Variants in RIMS2 observed in about 807,000 individuals in gnomAD.
RIMS2 encodes the protein regulating synaptic membrane exocytosis protein 2.
A neutral mutation model predicts 174.4 loss-of-function variants in RIMS2; 59 were observed. The observed-to-expected ratio is 0.34, with a 90% CI of 0.27 to 0.42. The LOEUF is 0.42. Among genes scored for constraint, RIMS2 ranks in the 10% least tolerant of loss-of-function variants. RIMS2 has a pLI of 1.00. For synonymous variants in RIMS2, 606 were observed against 572.5 expected (o/e 1.06, Z -0.84); for missense variants, 1,620 against 1,666.3 (o/e 0.97, Z 0.48).
intron 19 of RIMS2, among the ~76,000 whole-genome samples, chr8:104,202,632 T>TACC (rs2099060715): frequency 6.6e-6 from 1 of 152,216 alleles, no homozygotes; most frequent in Non-Finnish European, 1.5e-5. Flanking sequence ...ACTTTCTTGC[T>TACC]ACCTCTTCAC....
intron 1 of RIMS2, among the ~76,000 whole-genome samples, chr8:103,535,008 C>T (rs549859999): frequency 1.4e-4 from 21 of 152,304 alleles, no homozygotes; most frequent in African/African-American, 4.3e-4. Flanking sequence ...AAATTTATTT[C>T]TCTTTAGCTT....
chr8:103,607,218 G>A lies in RIMS2; in HGVS notation c.177-89868G>A, dbSNP rs976019776. Among the ~76,000 whole-genome samples, 11 of 151,920 alleles carry A rather than the reference G, an allele frequency of 7.2e-5. No homozygotes were observed. The East Asian group carries it at 9.7e-4, about 13-fold the overall frequency. ...CCTCGTGGTGACAAAATCTCTCAGCGTTTGCTTGTCTGTGAAGTATTTTAT... is the reference window on the plus strand; with the variant it reads ...CCTCGTGGTGACAAAATCTCTCAGCATTTGCTTGTCTGTGAAGTATTTTAT... On this transcript the variant is annotated intron_variant, in intron 1 of 23. Coordinates refer to ENST00000504942, the Ensembl canonical transcript of RIMS2.
At chr8:104,166,185 G>A (rs1481151972) in intron 19 of RIMS2, among the ~76,000 whole-genome samples, 5 of 149,248 alleles carry the variant, frequency 3.4e-5, no homozygotes, top group South Asian at 2.1e-4. Flanking sequence ...TCCTGCCTCA[G>A]CCTCCCGAGT....
chr8:103,959,552 T>C (rs2089086944), intron 14 of RIMS2, among the ~76,000 whole-genome samples: 1 of 151,904 alleles, frequency 6.6e-6, no homozygotes, highest in Non-Finnish European at 1.5e-5. Flanking sequence ...TACAGGTGCA[T>C]GCCGCCATGC....
At chr8:103,922,533 G>T in intron 10 of RIMS2, 1 of 250,986 alleles carries the variant, frequency 4.0e-6, no homozygotes, top group Middle Eastern at 1.6e-3. Flanking sequence ...GAAAAATACA[G>T]GTTAATATTA....
chr8:103,977,732 A>G (rs2093571724), intron 16 of RIMS2, among the ~76,000 whole-genome samples: 1 of 152,350 alleles, frequency 6.6e-6, no homozygotes, highest in South Asian at 2.1e-4. Flanking sequence ...CCAGTTATAA[A>G]TTGGAGTTTC....
intron 3 of RIMS2, among the ~76,000 whole-genome samples, chr8:103,834,063 G>A (rs1163811092): frequency 6.6e-6 from 1 of 151,964 alleles, no homozygotes; most frequent in Non-Finnish European, 1.5e-5. Context: ...AGGTTGAAGT[G>A]CAGTCTGGTG....
rs2096777976 is a variant in RIMS2, at chr8:103,674,008, G to C, written c.177-23078G>C. Among the ~76,000 whole-genome samples the C allele has an allele frequency of 2.0e-5, 3 of 152,170 alleles. No homozygotes were observed. The South Asian group carries it at 6.2e-4, about 31-fold the overall frequency. The stretch of plus-strand genomic sequence containing the variant: ...GAAATTTCTTCCTTCAGATACCCTA[G>C]GTCATCACTCTGAAGTTCAGACTTC... On this transcript the variant is annotated intron_variant, in intron 1 of 23. Transcript: ENST00000504942.
intron 15 of RIMS2, among the ~76,000 whole-genome samples, chr8:103,962,439 C>G (rs1035960527): frequency 1.3e-5 from 2 of 152,110 alleles, no homozygotes; most frequent in African/African-American, 4.8e-5. Flanking sequence ...GAAAAACATT[C>G]TTTCCTATCT....
At chr8:103,718,011 CTA>C (rs34245264) in intron 2 of RIMS2, among the ~76,000 whole-genome samples, 4,721 of 152,242 alleles carry the variant, frequency 0.031, 218 homozygotes, top group African/African-American at 0.1. Flanking sequence ...ACAGCAAATT[CTA>C]TGAGTTTTCA....
chr8:103,579,986 AG>A (rs1379295633), intron 1 of RIMS2, among the ~76,000 whole-genome samples: 1 of 152,150 alleles, frequency 6.6e-6, no homozygotes, highest in Non-Finnish European at 1.5e-5. Context: ...GAGAACAGCA[AG>A]GGGGAAATCC....
chr8:103,996,582 A>G (rs899132084), intron 17 of RIMS2, among the ~76,000 whole-genome samples: 3 of 151,976 alleles, frequency 2.0e-5, no homozygotes, highest in African/African-American at 7.2e-5. Flanking sequence ...CTGCCTCTCT[A>G]CAGAGAAAGG....
At chr8:104,238,939 G>A (rs2099273052) in intron 19 of RIMS2, among the ~76,000 whole-genome samples, 1 of 152,158 alleles carries the variant, frequency 6.6e-6, no homozygotes, top group Non-Finnish European at 1.5e-5. Context: ...TTCATAATCT[G>A]CCAACTATTC....
chr8:103,654,320 A>C (rs150789630), intron 1 of RIMS2, among the ~76,000 whole-genome samples: 1 of 152,012 alleles, frequency 6.6e-6, no homozygotes, highest in Non-Finnish European at 1.5e-5. Flanking sequence ...TTTGATTGGC[A>C]TAAACACAAA....
intron 18 of RIMS2, 135 bp from the exon 21 acceptor site, chr8:104,014,371 G>T: frequency 3.8e-6 from 2 of 532,764 alleles, no homozygotes; most frequent in Admixed American, 3.1e-5. Context: ...ATTTTGTCCA[G>T]TTTTCCTAAC....
chr8:103,632,605 G>C (rs2449906), intron 1 of RIMS2, among the ~76,000 whole-genome samples: 53,700 of 151,360 alleles, frequency 0.35, 10,231 homozygotes, highest in East Asian at 0.77. Context: ...ATTTTTGGTA[G>C]AGACAGGTTT....
intron 21 of RIMS2, 78 bp downstream of exon 27, chr8:104,248,891 T>TTCTCTCTCTCTC (rs368851079): frequency 0.023 from 14,616 of 625,780 alleles, 149 homozygotes; most frequent in African/African-American, 0.028. Flanking sequence ...TCATAGAATC[T>TTCTCTCTCTCTC]TCTCTCTCTC....
At chr8:103,956,995 A>T (rs2087532223) in intron 14 of RIMS2, among the ~76,000 whole-genome samples, 1 of 152,138 alleles carries the variant, frequency 6.6e-6, no homozygotes, top group South Asian at 2.1e-4. Flanking sequence ...ACAAACATAT[A>T]AAAAAACTCA....
chr8:103,960,802 C>G (rs2089768751), intron 14 of RIMS2, among the ~76,000 whole-genome samples: 1 of 152,064 alleles, frequency 6.6e-6, no homozygotes, highest in African/African-American at 2.4e-5. Flanking sequence ...TTATTTTAAG[C>G]TTTAAACCAT....
Sources: gnomAD v4.1 joint callset for allele counts (sites outside exome capture counted in the v4.1 genomes callset) on GRCh38, gnomAD v4.1.1 for gene constraint, MANE v1.5 for transcripts, NCBI Gene and HGNC (gene_info 2026-07-23, HGNC 2026-07-21) for gene names.